SLC7A2: variants seen among roughly 807,000 people sequenced by gnomAD.
The protein encoded by SLC7A2 is cationic amino acid transporter 2.
Under a neutral mutation model 58.9 loss-of-function variants are expected in SLC7A2, and 48 were observed. The ratio of observed to expected loss-of-function variants is 0.82; its 90% CI spans 0.65 to 1.04. The LOEUF is 1.04. Ranked by LOEUF, SLC7A2 falls within the 50% of genes least tolerant of loss-of-function variation. The probability of loss-of-function intolerance (pLI) is 0.00; values close to 1 mark genes in which losing one functional copy is unlikely to be tolerated. For synonymous variants in SLC7A2, 363 were observed against 314.5 expected, an observed-to-expected ratio of 1.15 and a Z score of -1.63; for missense variants, 1,029 against 818.8, an observed-to-expected ratio of 1.26 and a Z score of -3.13.
intron 2 of SLC7A2, among the ~76,000 whole-genome samples, chr8:17,506,253 G>A (rs753377887): frequency 1.4e-4 from 22 of 152,114 alleles, no homozygotes; most frequent in African/African-American, 5.3e-4. Context: ...TGCTGGGCTG[G>A]TGCCTGCTTT....
intron 4 of SLC7A2, among the ~76,000 whole-genome samples, chr8:17,547,785 AGTGTGTGTGTGTGTGTGTGTGTGTGT>A (rs35052068): frequency 6.9e-6 from 1 of 144,710 alleles, no homozygotes; most frequent in African/African-American, 2.5e-5. Flanking sequence ...GGCACAAAAG[AGTGTGTGTGTGTGTGTGTGTGTGTGT>A]GTGTGTGTGT....
chr8:17,520,379 G>A (rs1039788398), intron 2 of SLC7A2, among the ~76,000 whole-genome samples: 46 of 152,010 alleles, frequency 3.0e-4, no homozygotes, highest in African/African-American at 1.1e-3. Flanking sequence ...AGTGGCTCAT[G>A]CCTGTAATCT....
chr8:17,537,411 C>T (rs1258322339), intron 2 of SLC7A2, among the ~76,000 whole-genome samples: 4 of 152,134 alleles, frequency 2.6e-5, no homozygotes, highest in African/African-American at 7.2e-5. Context: ...AGCTGGTCCC[C>T]AGTGTGTGTG....
chr8:17,568,999 A>C lies in SLC7A2; in HGVS notation c.*3853A>C. On this transcript the variant is annotated 3_prime_UTR_variant, in exon 13 of 13. Coordinates refer to ENST00000494857, the MANE Select transcript of SLC7A2 (RefSeq NM_001370338.1). ...AATAAAAATAAAACACTTTAATTAG[A>C]ATCTATTTTTACCTATTTTCTAAAT... 6.6e-6 allele frequency: 1 copy of C among 152,232 alleles called. No individual in the cohort carries two copies. Among genetic ancestry groups the C allele is most frequent in the South Asian group, 2.1e-4 (1 of 4,812 alleles). 9.4% of individuals were successfully genotyped at this position (152,232 alleles called of 1,614,324 possible).
intron 6 of SLC7A2, among the ~76,000 whole-genome samples, chr8:17,551,209 G>A (rs114340299): frequency 0.01 from 1,533 of 152,226 alleles, 18 homozygotes; most frequent in African/African-American, 0.035. Context: ...CCTGGCGATA[G>A]GAAACTGACT....
intron 2 of SLC7A2, among the ~76,000 whole-genome samples, chr8:17,534,713 A>C (rs1179958285): frequency 3.6e-5 from 5 of 139,360 alleles, no homozygotes; most frequent in Non-Finnish European, 4.7e-5. Flanking sequence ...AAAAAAAAAA[A>C]CAAGACAAAA....
chr8:17,556,665 G>C (rs1302843621), intron 8 of SLC7A2, among the ~76,000 whole-genome samples: 3 of 151,804 alleles, frequency 2.0e-5, no homozygotes. Flanking sequence ...CTGGAGTGTA[G>C]TGGCACGATC....
chr8:17,559,945 G>A (rs909514145), intron 9 of SLC7A2, among the ~76,000 whole-genome samples: 4 of 152,192 alleles, frequency 2.6e-5, no homozygotes, highest in Admixed American at 2.6e-4. Flanking sequence ...TGCCAAACTG[G>A]TGACTGCATT....
Position 17,565,334 on chromosome 8 carries a change from G to C in SLC7A2, c.*188G>C. ...AATTATGTGCACGGGGAAACCTCCT[G>C]AGTGGAAGTTTCATTCATCAGTGAT... On this transcript the variant is annotated 3_prime_UTR_variant, in exon 13 of 13. Transcript: ENST00000494857. 1 of 565,254 alleles carries C rather than the reference G, an allele frequency of 1.8e-6. No individual in the cohort carries two copies. The highest frequency in any genetic ancestry group is 2.3e-5 in the South Asian group (1 of 43,352). 35.0% of individuals were successfully genotyped at this position (565,254 alleles called of 1,614,324 possible). A position where few individuals can be genotyped will look rare whatever the true frequency, so the allele number is the denominator to read the frequency against.
intron 2 of SLC7A2, among the ~76,000 whole-genome samples, chr8:17,503,390 G>A (rs1017946813): frequency 6.6e-6 from 1 of 152,144 alleles, no homozygotes; most frequent in East Asian, 1.9e-4. Flanking sequence ...CTTCAGAAGG[G>A]TGGCTTTTTC....
chr8:17,510,032 C>A (rs945771773), intron 2 of SLC7A2, among the ~76,000 whole-genome samples: 3 of 152,018 alleles, frequency 2.0e-5, no homozygotes, highest in Non-Finnish European at 2.9e-5. Context: ...CCAGCCTGAA[C>A]AACATGATGA....
chr8:17,503,120 G>C (rs888482697), intron 2 of SLC7A2, among the ~76,000 whole-genome samples: 1 of 151,694 alleles, frequency 6.6e-6, no homozygotes, highest in Non-Finnish European at 1.5e-5. Context: ...GCGCGATCTC[G>C]GCTCGCTGCA....
At chr8:17,515,206 C>T (rs1250742208) in intron 2 of SLC7A2, among the ~76,000 whole-genome samples, 1 of 152,028 alleles carries the variant, frequency 6.6e-6, no homozygotes, top group Non-Finnish European at 1.5e-5. Context: ...CGGTACTTTT[C>T]CAAAGTCATC....
At chr8:17,515,722 G>A (rs930713162) in intron 2 of SLC7A2, among the ~76,000 whole-genome samples, 20 of 152,208 alleles carry the variant, frequency 1.3e-4, no homozygotes. Flanking sequence ...CATGGGCTAA[G>A]CCTTACTTTT....
intron 8 of SLC7A2, chr8:17,554,908 A>T: frequency 6.2e-7 from 1 of 1,610,228 alleles, no homozygotes; most frequent in Non-Finnish European, 8.5e-7. Context: ...TAATCCTTAA[A>T]ATAACTCATG....
intron 2 of SLC7A2, among the ~76,000 whole-genome samples, chr8:17,521,113 TCTA>T (rs776336413): frequency 6.6e-6 from 1 of 152,174 alleles, no homozygotes; most frequent in Non-Finnish European, 1.5e-5. Context: ...TACATTTTCT[TCTA>T]CTATTTTTTT....
At chr8:17,563,530 C>A in intron 11 of SLC7A2, 73 bp from the exon 12 acceptor site, 2 of 884,772 alleles carry the variant, frequency 2.3e-6, no homozygotes, top group South Asian at 1.5e-5. Flanking sequence ...AATTAATTGC[C>A]ACCCTGTTGA....
intron 2 of SLC7A2, among the ~76,000 whole-genome samples, chr8:17,508,799 C>T (rs558232450): frequency 6.6e-6 from 1 of 152,050 alleles, no homozygotes; most frequent in East Asian, 1.9e-4. Flanking sequence ...TTTATCTCAC[C>T]GAACCACTAG....
intron 2 of SLC7A2, among the ~76,000 whole-genome samples, chr8:17,505,500 GT>G (rs1257902235): frequency 6.6e-6 from 1 of 152,138 alleles, no homozygotes; most frequent in African/African-American, 2.4e-5. Context: ...GGTGGATGCT[GT>G]TCCCTGGCCT....
Sources: gnomAD v4.1 joint callset for allele counts (sites outside exome capture counted in the v4.1 genomes callset) on GRCh38, gnomAD v4.1.1 for gene constraint, MANE v1.5 for transcripts, NCBI Gene and HGNC (gene_info 2026-07-23, HGNC 2026-07-21) for gene names.